The following KIAA0513 variants were observed in gnomAD, a reference collection of about 807,000 sequenced individuals.
The protein encoded by KIAA0513 is uncharacterized protein KIAA0513.
KIAA0513 carries 39 observed loss-of-function variants against 56.5 expected under a neutral mutation model. The observed-to-expected ratio is 0.69, with a 90% CI of 0.53 to 0.90. KIAA0513 has a LOEUF of 0.90. Among genes scored for constraint, KIAA0513 ranks in the 40% least tolerant of loss-of-function variants. KIAA0513 has a pLI of 0.00. For missense variants in KIAA0513, 591 were observed against 535.2 expected (o/e 1.10, Z -1.03); for synonymous variants, 268 against 215.6 (o/e 1.24, Z -2.13).
chr16:85,059,875 G>GA (rs1158155711), intron 1 of KIAA0513, among the ~76,000 whole-genome samples: 2 of 152,186 alleles, frequency 1.3e-5, no homozygotes, highest in African/African-American at 2.4e-5. Context: ...ACTGATTAGG[G>GA]AAAAGAGCAA....
chr16:85,048,858 A>G (rs563351929), intron 1 of KIAA0513, among the ~76,000 whole-genome samples: 1 of 152,362 alleles, frequency 6.6e-6, no homozygotes, highest in Non-Finnish European at 1.5e-5. Context: ...GTAGAACACA[A>G]TAACAATCTT....
At chr16:85,049,192 C>T (rs2143909752) in intron 1 of KIAA0513, among the ~76,000 whole-genome samples, 2 of 152,378 alleles carry the variant, frequency 1.3e-5, no homozygotes, top group South Asian at 2.1e-4. Flanking sequence ...TAGGCAGGGA[C>T]AGACACTAGT....
chr16:85,048,503 CTT>C (rs1054319915), intron 1 of KIAA0513, among the ~76,000 whole-genome samples: 2 of 151,088 alleles, frequency 1.3e-5, no homozygotes, highest in African/African-American at 4.9e-5. Flanking sequence ...CTCTCTCTCT[CTT>C]TCTCTCACTC....
At chr16:85,044,320 C>T (rs2073142034) in intron 1 of KIAA0513, among the ~76,000 whole-genome samples, 1 of 152,000 alleles carries the variant, frequency 6.6e-6, no homozygotes, top group South Asian at 2.1e-4. Context: ...TCGAGTGTCC[C>T]CTGTGTCATC....
intron 1 of KIAA0513, among the ~76,000 whole-genome samples, chr16:85,053,445 T>C (rs1166932050): frequency 6.6e-6 from 1 of 152,176 alleles, no homozygotes; most frequent in Non-Finnish European, 1.5e-5. Context: ...TCTATCAACA[T>C]GTTGTTTGCA....
Position 85,090,665 on chromosome 16 carries a change from C to G in KIAA0513, c.*2340C>G, listed in dbSNP as rs373190294. On this transcript the variant is annotated 3_prime_UTR_variant, in exon 13 of 13. Coordinates refer to ENST00000683363, the MANE Select transcript of KIAA0513 (RefSeq NM_001388359.1). Reference sequence around the variant, plus strand: ...CTACCTGTTCTTGTAGATCTAGCTCCTCAGAGTTGGAGGAAGGCTGACAGA... The same window carrying G: ...CTACCTGTTCTTGTAGATCTAGCTCGTCAGAGTTGGAGGAAGGCTGACAGA... 6.6e-6 allele frequency: 1 copy of G among 152,158 alleles called. No homozygotes were observed. Among genetic ancestry groups the G allele is most frequent in the Admixed American group, 6.6e-5 (1 of 15,256 alleles). The allele number at this position is 152,158 out of a possible 1,614,324, so 9.4% of individuals were successfully genotyped here.
intron 3 of KIAA0513, among the ~76,000 whole-genome samples, chr16:85,072,183 C>T (rs189097759): frequency 6.6e-6 from 1 of 152,034 alleles, no homozygotes; most frequent in Non-Finnish European, 1.5e-5. Context: ...TGAGGTCCCC[C>T]CTCCCCGCAT....
chr16:85,064,440 C>T (rs1171609899), intron 1 of KIAA0513, among the ~76,000 whole-genome samples: 1 of 152,138 alleles, frequency 6.6e-6, no homozygotes, highest in Non-Finnish European at 1.5e-5. Context: ...AAATTCCAAG[C>T]ATTTGAATTC....
At chr16:85,058,159 G>T (rs1406466074) in intron 1 of KIAA0513, among the ~76,000 whole-genome samples, 1 of 152,164 alleles carries the variant, frequency 6.6e-6, no homozygotes, top group African/African-American at 2.4e-5. Flanking sequence ...AGGCATGAAT[G>T]GTCTGTGGTC....
chr16:85,055,866 G>A (rs775071791), intron 1 of KIAA0513, among the ~76,000 whole-genome samples: 9 of 152,190 alleles, frequency 5.9e-5, no homozygotes, highest in Non-Finnish European at 1.2e-4. Flanking sequence ...AGTGCTCGGA[G>A]CCAGCCTCCC....
chr16:85,085,144 G>C lies in KIAA0513; in HGVS notation c.1011-1500G>C, dbSNP rs529127812. Among the ~76,000 whole-genome samples the C allele has an allele frequency of 2.0e-5, 3 of 152,334 alleles. No individual in the cohort carries two copies. In the South Asian group the frequency reaches 6.2e-4, roughly 32 times the overall value. On this transcript the variant is annotated intron_variant, in intron 10 of 12. Coordinates refer to ENST00000683363, the MANE Select transcript of KIAA0513 (RefSeq NM_001388359.1). ...CTGCGAGGGGTGCGGGGGTTTATGT[G>C]TCTGGACAACCCTCAGGGTGGCTGT... is the stretch of plus-strand genomic sequence containing the variant.
intron 1 of KIAA0513, among the ~76,000 whole-genome samples, chr16:85,064,804 G>A (rs1052223973): frequency 6.6e-6 from 1 of 152,112 alleles, no homozygotes; most frequent in Non-Finnish European, 1.5e-5. Flanking sequence ...TCCTGCCTCA[G>A]CCTCCTGAGT....
At chr16:85,071,720 T>C in intron 2 of KIAA0513, 63 bp from the exon 3 acceptor site, 1 of 1,319,932 alleles carries the variant, frequency 7.6e-7, no homozygotes, top group Non-Finnish European at 1.0e-6. Flanking sequence ...TCTTCCCCTG[T>C]TGCTCCAGGG....
chr16:85,072,878 G>A (rs200752617), intron 3 of KIAA0513, 47 bp from the exon 4 acceptor site: 103 of 1,574,028 alleles, frequency 6.5e-5, no homozygotes, highest in East Asian at 4.3e-4. Context: ...TGAGTGCTGC[G>A]TGTGTCGCCC....
intron 2 of KIAA0513, among the ~76,000 whole-genome samples, chr16:85,068,025 G>T (rs553967350): frequency 5.3e-5 from 8 of 152,172 alleles, no homozygotes; most frequent in African/African-American, 1.7e-4. Flanking sequence ...TGGTCAAGCT[G>T]GTCTCGAACT....
At chr16:85,043,648 A>G (rs1015086122) in intron 1 of KIAA0513, among the ~76,000 whole-genome samples, 4 of 152,004 alleles carry the variant, frequency 2.6e-5, no homozygotes, top group African/African-American at 9.7e-5. Context: ...CTTGACCTCA[A>G]GTGATCCACC....
In KIAA0513 at chr16:85,087,153, C is replaced by T. The variant is rs1213128603; in HGVS notation, c.1173C>T (p.Gly391=). ...NDFLKKQAVI[G]NLDEEQYKLL... ...TCCTGAAGAAGCAGGCTGTGATTGG[C>T]AACCTGGATGAAGGTGCGTCTGGGG... Residue 391 remains glycine (G), a synonymous_variant, in exon 12 of 13, where the codon GGC becomes GGT. Transcript: ENST00000683363. The T allele has an allele frequency of 1.2e-6, 2 of 1,613,854 alleles. No homozygotes were observed. Among genetic ancestry groups the T allele is most frequent in the Admixed American group, 1.7e-5 (1 of 59,998 alleles).
At chr16:85,069,552 C>T (rs1034719690) in intron 2 of KIAA0513, among the ~76,000 whole-genome samples, 8 of 151,986 alleles carry the variant, frequency 5.3e-5, no homozygotes, top group African/African-American at 7.3e-5. Context: ...GTTTCCCTAC[C>T]CCGGTTCACT....
rs1161785048 is a variant in KIAA0513 at position 85,089,825 on chromosome 16, A to G, written c.*1500A>G. ...ATGTTCCAGAGACGGAACATTCTCT[A>G]GAGACAACAGTCTGTGCTGCAGATT... is the stretch of plus-strand genomic sequence containing the variant. On this transcript the variant is annotated 3_prime_UTR_variant, in exon 13 of 13. Transcript: ENST00000683363. This position sits in a 1 kb window ranked among gnomAD's most constrained non-coding sequence, Gnocchi z 4.2. 6 of 152,240 alleles carry G rather than the reference A, an allele frequency of 3.9e-5. No homozygotes were observed. In the East Asian group the frequency reaches 1.2e-3, roughly 30 times the overall value. 9.4% of individuals were successfully genotyped at this position (152,240 alleles called of 1,614,324 possible).
Sources: gnomAD v4.1 joint callset for allele counts (sites outside exome capture counted in the v4.1 genomes callset) on GRCh38, gnomAD v4.1.1 for gene constraint, Gnocchi (gnomAD v3.1) non-coding constraint, MANE v1.5 for transcripts, NCBI Gene and HGNC (gene_info 2026-07-23, HGNC 2026-07-21) for gene names.